HM13: variants seen among roughly 807,000 people sequenced by gnomAD.
HM13 encodes the protein histocompatibility minor 13, also known as signal peptide peptidase.
Under a neutral mutation model 50.0 loss-of-function variants are expected in HM13, and 18 were observed. The ratio of observed to expected loss-of-function variants is 0.36; its 90% CI spans 0.25 to 0.53. HM13 has a LOEUF of 0.53. Among genes scored for constraint, HM13 ranks in the 20% least tolerant of loss-of-function variants. The pLI is 0.90. For synonymous variants in HM13, 197 were observed against 232.6 expected, an observed-to-expected ratio of 0.85 and a Z score of 1.39; for missense variants, 393 against 552.4, an observed-to-expected ratio of 0.71 and a Z score of 2.89.
intron 2 of HM13, 85 bp from the exon 3 acceptor site, chr20:31,538,094 C>T: frequency 1.3e-6 from 2 of 1,536,840 alleles, no homozygotes; most frequent in Non-Finnish European, 1.8e-6. Context: ...GTGAGACCAA[C>T]CTCCAGAAGA....
Position 31,514,530 on chromosome 20 carries a change from G to C in HM13, c.-22G>C, listed in dbSNP as rs1408859624. 6.3e-7 allele frequency: 1 copy of C among 1,597,954 alleles called. No homozygotes were observed. The highest frequency in any genetic ancestry group is 8.5e-7 in the Non-Finnish European group (1 of 1,174,596). On this transcript the variant is annotated 5_prime_UTR_variant, in exon 1 of 13. Coordinates refer to ENST00000398174, the MANE Select transcript of HM13 (RefSeq NM_178581.3). The surrounding 1 kb of genome is among the most constrained non-coding windows in gnomAD (Gnocchi z 4.3). The stretch of plus-strand genomic sequence containing the variant: ...TGCTGCAGCAACCGGAGCTGGAGTC[G>C]GATCCCGAACGCACCCTCGCCATGG...
Position 31,514,630 on chromosome 20 carries a change from T to C in HM13, c.79T>C (p.Ser27Pro), listed in dbSNP as rs1490142862. Residue 27 changes from serine to proline, a missense_variant, in exon 1 of 13, where the codon TCC becomes CCC. Ser to Pro is a moderately conservative substitution (Grantham distance 74). Transcript: ENST00000398174. The surrounding 1 kb of genome is among the most constrained non-coding windows in gnomAD (Gnocchi z 4.3). ...CACCAACAGCACTACGCGGCCGCCTTCCACGCCCGAGGGCATCGCGCTGGC... is the reference window on the plus strand; with the variant it reads ...CACCAACAGCACTACGCGGCCGCCTCCCACGCCCGAGGGCATCGCGCTGGC... ...GPTNSTTRPP[S>P]TPEGIALAYG... 6.3e-7 allele frequency: 1 copy of C among 1,585,208 alleles called. No homozygotes were observed. The highest frequency in any genetic ancestry group is 1.3e-5 in the African/African-American group (1 of 74,644).
chr20:31,565,450 G>T (rs1984852479), intron 10 of HM13, among the ~76,000 whole-genome samples: 1 of 145,414 alleles, frequency 6.9e-6, no homozygotes, highest in South Asian at 2.1e-4. Flanking sequence ...TTGCACTCCA[G>T]CCTGGGCAAC....
At chr20:31,531,336 G>A (rs1982802386) in intron 2 of HM13, among the ~76,000 whole-genome samples, 1 of 151,784 alleles carries the variant, frequency 6.6e-6, no homozygotes, top group Non-Finnish European at 1.5e-5. Context: ...ACTGCGCCCA[G>A]CCAAAAACAT....
intron 1 of HM13, among the ~76,000 whole-genome samples, chr20:31,522,710 G>A (rs117702898): frequency 6.6e-6 from 1 of 152,250 alleles, no homozygotes; most frequent in East Asian, 1.9e-4. Flanking sequence ...ATAGTGTCTT[G>A]TTGGCTGTGT....
chr20:31,539,172 C>T (rs1983291311), intron 3 of HM13: 1 of 985,476 alleles, frequency 1.0e-6, no homozygotes, highest in Non-Finnish European at 1.2e-6. Flanking sequence ...GGCCAGTTCT[C>T]CATTCTGCAG....
At chr20:31,549,444 T>A in intron 6 of HM13, 112 bp downstream of exon 6, 1 of 1,413,988 alleles carries the variant, frequency 7.1e-7, no homozygotes, top group Non-Finnish European at 9.8e-7. Context: ...TGTTTTGGGC[T>A]GAAGTTCCGG....
chr20:31,523,581 A>G (rs1267622653), intron 1 of HM13, among the ~76,000 whole-genome samples: 2 of 152,176 alleles, frequency 1.3e-5, no homozygotes, highest in Non-Finnish European at 2.9e-5. Flanking sequence ...TGTGCATTCC[A>G]TAAAATAGAA....
Position 31,569,112 on chromosome 20 carries a change from TTG to T in HM13, c.1182-7_1182-6del. 1 of 1,518,730 alleles carries T rather than the reference TTG, an allele frequency of 6.6e-7. No individual in the cohort carries two copies. The highest frequency in any genetic ancestry group is 8.9e-7 in the Non-Finnish European group (1 of 1,129,548). The allele number at this position is 1,518,730 out of a possible 1,614,324, so 94.1% of individuals were successfully genotyped here. A position where few individuals can be genotyped will look rare whatever the true frequency, so the allele number is the denominator to read the frequency against. ...AATTTTTATTGTTGTTTTTTTTTTT[TTG>T]GTCAGTTATGAGGAGTCAAATCCTA... On this transcript the variant is annotated splice_polypyrimidine_tract_variant and splice_region_variant and intron_variant, in intron 12 of 12. Coordinates refer to ENST00000398174, the MANE Select transcript of HM13 (RefSeq NM_178581.3).
intron 1 of HM13, among the ~76,000 whole-genome samples, chr20:31,523,082 G>A (rs1273161580): frequency 1.4e-5 from 2 of 146,518 alleles, no homozygotes; most frequent in African/African-American, 2.6e-5. Flanking sequence ...ACAGAGTCTC[G>A]CTCTGTTGCC....
chr20:31,551,036 G>A (rs923129909), intron 7 of HM13, among the ~76,000 whole-genome samples: 2 of 152,062 alleles, frequency 1.3e-5, no homozygotes, highest in Admixed American at 6.6e-5. Flanking sequence ...CTACCTTCAA[G>A]CTATTATGTA....
At chr20:31,546,849 G>A (rs899500182) in intron 4 of HM13, among the ~76,000 whole-genome samples, 30 of 151,882 alleles carry the variant, frequency 2.0e-4, no homozygotes, top group Non-Finnish European at 3.2e-4. Context: ...GGTCACTTGA[G>A]CCCTGGAGTT....
At chr20:31,555,365 C>T (rs1441555138) in intron 8 of HM13, among the ~76,000 whole-genome samples, 1 of 152,256 alleles carries the variant, frequency 6.6e-6, no homozygotes, top group African/African-American at 2.4e-5. Flanking sequence ...ACCTGCTTAT[C>T]TGCAGAGGCT....
chr20:31,536,480 T>A (rs1983113391), intron 2 of HM13, among the ~76,000 whole-genome samples: 1 of 152,024 alleles, frequency 6.6e-6, no homozygotes, highest in African/African-American at 2.4e-5. Context: ...CTGCTTCCAC[T>A]CTAGCCCTGC....
At chr20:31,524,001 C>T (rs1982334357) in intron 1 of HM13, among the ~76,000 whole-genome samples, 1 of 152,220 alleles carries the variant, frequency 6.6e-6, no homozygotes, top group Non-Finnish European at 1.5e-5. Context: ...CTCACCTCTC[C>T]CTGATAGTCA....
At position 31,569,210 on chromosome 20, in the gene HM13, A is replaced by G. The variant is rs1184170454; in HGVS notation, c.1272A>G (p.Lys424=). The G allele has an allele frequency of 6.3e-7, 1 of 1,591,146 alleles. No homozygotes were observed. Among genetic ancestry groups the G allele is most frequent in the African/African-American group, 1.3e-5 (1 of 74,308 alleles). ...EASASKGLEK[K]EK ...CAGCATCGAAGGGGCTGGAGAAGAAAGAGAAATGATGCAGCTGGTGCCCGA... is the reference window on the plus strand; with the variant it reads ...CAGCATCGAAGGGGCTGGAGAAGAAGGAGAAATGATGCAGCTGGTGCCCGA... The change falls in exon 13 of 13, where the codon AAA becomes AAG. Residue 424 remains lysine, a synonymous_variant. Coordinates refer to ENST00000398174, the MANE Select transcript of HM13 (RefSeq NM_178581.3).
Position 31,568,140 on chromosome 20 carries a change from C to T in HM13, c.1097C>T (p.Ser366Leu), listed in dbSNP as rs757681115. 10 of 1,613,058 alleles carry T rather than the reference C, an allele frequency of 6.2e-6. No homozygotes were observed. The African/African-American group carries it at 6.7e-5, about 11-fold the overall frequency. The change falls in exon 12 of 13, where the codon TCG becomes TTG. Residue 366 changes from serine (S) to leucine (L), a missense_variant. By Grantham distance (145) the Ser-to-Leu change is moderately radical (BLOSUM62 -2). Coordinates refer to ENST00000398174, the MANE Select transcript of HM13 (RefSeq NM_178581.3). The stretch of plus-strand genomic sequence containing the variant: ...AGGCTCACCCACTTCCCCACAGTCT[C>T]GGGCTCCCCAGCCAGCCTGGCCGAC... ...TPRLTHFPTV[S>L]GSPASLADSM...
rs1415529629 is a variant in HM13 at position 31,527,530 on chromosome 20, G to A, written c.230G>A (p.Arg77His). 3.7e-6 allele frequency: 6 copies of A among 1,614,002 alleles called. No homozygotes were observed. The highest frequency in any genetic ancestry group is 4.2e-6 in the Non-Finnish European group (5 of 1,179,956). ...ACAATCACCAGCCGGGATGCCGCCC[G>A]CTTCCCCATCATCGCCAGCTGCACA... is the stretch of plus-strand genomic sequence containing the variant. The part of the protein sequence containing the change: ...PETITSRDAA[R>H]FPIIASCTLL... The change falls in exon 2 of 13, where the codon CGC (arginine) becomes CAC (histidine). Residue 77 changes from arginine (R) to histidine (H), a missense_variant. Physicochemically the swap from Arg to His is conservative, Grantham distance 29. Coordinates refer to ENST00000398174, the MANE Select transcript of HM13 (RefSeq NM_178581.3).
intron 7 of HM13, among the ~76,000 whole-genome samples, chr20:31,551,636 G>A (rs1003244925): frequency 2.0e-5 from 3 of 152,322 alleles, no homozygotes; most frequent in Admixed American, 1.3e-4. Flanking sequence ...GAATCCGTCA[G>A]GCATGCTAGC....
Sources: gnomAD v4.1 joint callset for allele counts (sites outside exome capture counted in the v4.1 genomes callset) on GRCh38, gnomAD v4.1.1 for gene constraint, Gnocchi (gnomAD v3.1) non-coding constraint, MANE v1.5 for transcripts, NCBI Gene and HGNC (gene_info 2026-07-23, HGNC 2026-07-21) for gene names.